The following KCNN2 variants were observed in gnomAD, a reference collection of about 807,000 sequenced individuals.
KCNN2 encodes the protein potassium calcium-activated channel subfamily N member 2, also known as small conductance calcium-activated potassium channel protein 2.
KCNN2 carries 24 observed loss-of-function variants against 55.5 expected under a neutral mutation model. The observed-to-expected ratio is 0.43, with a 90% CI of 0.31 to 0.61. KCNN2 has a LOEUF of 0.61. KCNN2 is among the 20% of genes least tolerant of loss of function. KCNN2 has a pLI of 0.08. For missense variants in KCNN2, 754 were observed against 853.6 expected (o/e 0.88, Z 1.45); for synonymous variants, 431 against 336.1 (o/e 1.28, Z -3.09).
intron 1 of KCNN2, among the ~76,000 whole-genome samples, chr5:114,205,740 C>A (rs1216145073): frequency 1.3e-5 from 2 of 152,136 alleles, no homozygotes; most frequent in East Asian, 3.8e-4. Flanking sequence ...GCTACAACAT[C>A]TTTATTTAGC....
chr5:114,148,209 T>G (rs1453980193), intron 1 of KCNN2, among the ~76,000 whole-genome samples: 1 of 152,056 alleles, frequency 6.6e-6, no homozygotes, highest in African/African-American at 2.4e-5. Flanking sequence ...GTCCTTAAGG[T>G]CAATGATAAT....
chr5:114,490,913 A>G (rs1013009540), intron 6 of KCNN2, among the ~76,000 whole-genome samples: 2 of 152,102 alleles, frequency 1.3e-5, no homozygotes, highest in African/African-American at 2.4e-5. Flanking sequence ...TGTAATACAC[A>G]TCTGCATGTT....
intron 2 of KCNN2, among the ~76,000 whole-genome samples, chr5:114,286,572 G>A (rs1017304070): frequency 8.6e-4 from 131 of 152,252 alleles, no homozygotes; most frequent in African/African-American, 3.1e-3. Context: ...TAACCTTATA[G>A]TTCCACATTT....
At chr5:114,272,185 G>C (rs1489188063) in intron 2 of KCNN2, among the ~76,000 whole-genome samples, 1 of 152,006 alleles carries the variant, frequency 6.6e-6, no homozygotes, top group African/African-American at 2.4e-5. Context: ...TTAGTGTTAA[G>C]AGTTTTGCTA....
At chr5:114,347,051 TTGAA>T (rs1757120442) in intron 2 of KCNN2, among the ~76,000 whole-genome samples, 1 of 152,180 alleles carries the variant, frequency 6.6e-6, no homozygotes, top group Admixed American at 6.5e-5. Context: ...TAATATTTCA[TTGAA>T]TAAATAAGTA....
chr5:114,254,510 G>A (rs150165636), intron 2 of KCNN2, among the ~76,000 whole-genome samples: 3 of 152,228 alleles, frequency 2.0e-5, no homozygotes, highest in Non-Finnish European at 4.4e-5. Context: ...TCTGCAGAAA[G>A]GTCTTCAAAA....
At chr5:114,062,675 G>A (rs886673466) in intron 1 of KCNN2, among the ~76,000 whole-genome samples, 1 of 152,136 alleles carries the variant, frequency 6.6e-6, no homozygotes, top group Non-Finnish European at 1.5e-5. Context: ...CGGTGTGTGT[G>A]TTTTAATAAA....
intron 2 of KCNN2, among the ~76,000 whole-genome samples, chr5:114,322,531 GACACACTGCATGCATAC>G (rs1408665281): frequency 6.6e-6 from 1 of 151,074 alleles, no homozygotes; most frequent in Non-Finnish European, 1.5e-5. Context: ...TGAACTTCAG[GACACACTGCATGCATAC>G]ATGTGCACAT....
intron 1 of KCNN2, among the ~76,000 whole-genome samples, chr5:114,129,547 T>C (rs1471825798): frequency 6.6e-6 from 1 of 152,212 alleles, no homozygotes; most frequent in Non-Finnish European, 1.5e-5. Context: ...ATAGAAGTCT[T>C]TTGAACCATC....
At chr5:114,331,058 A>C (rs1199817613) in intron 2 of KCNN2, among the ~76,000 whole-genome samples, 1 of 152,150 alleles carries the variant, frequency 6.6e-6, no homozygotes, top group Non-Finnish European at 1.5e-5. Flanking sequence ...GTTCTCCATC[A>C]CCGGTTGAAG....
chr5:114,301,450 CA>C (rs1479528253), intron 2 of KCNN2, among the ~76,000 whole-genome samples: 1 of 152,110 alleles, frequency 6.6e-6, no homozygotes, highest in Non-Finnish European at 1.5e-5. Flanking sequence ...TCTCTGTATA[CA>C]AAAAGCTCTC....
intron 2 of KCNN2, among the ~76,000 whole-genome samples, chr5:114,261,166 G>T (rs1306750060): frequency 1.3e-5 from 2 of 152,146 alleles, no homozygotes; most frequent in African/African-American, 4.8e-5. Flanking sequence ...AGATTTCTAG[G>T]AAAATGATTT....
chr5:114,282,130 A>G (rs1419742790), intron 2 of KCNN2, among the ~76,000 whole-genome samples: 1 of 152,084 alleles, frequency 6.6e-6, no homozygotes, highest in East Asian at 1.9e-4. Flanking sequence ...GTACTGTATC[A>G]GTCTCTATCA....
chr5:114,381,698 G>C (rs1192468189), intron 2 of KCNN2, among the ~76,000 whole-genome samples: 2 of 152,152 alleles, frequency 1.3e-5, no homozygotes, highest in Non-Finnish European at 2.9e-5. Context: ...CATTATTTCA[G>C]ACGTTTTATT....
At chr5:114,229,296 T>C (rs1403418264) in intron 2 of KCNN2, among the ~76,000 whole-genome samples, 2 of 151,810 alleles carry the variant, frequency 1.3e-5, no homozygotes, top group African/African-American at 4.8e-5. Context: ...CTGCTTTTTT[T>C]TTTTAACATT....
intron 2 of KCNN2, among the ~76,000 whole-genome samples, chr5:114,291,894 G>A (rs1755897466): frequency 6.6e-6 from 1 of 152,156 alleles, no homozygotes; most frequent in Admixed American, 6.5e-5. Flanking sequence ...TAACTGGTGT[G>A]AGATGGTATC....
At position 114,188,047 on chromosome 5, in the gene KCNN2, A is replaced by T. The variant is rs75575865; in HGVS notation, c.-270-33433A>T. ...AGGCTGGTCTTGAACTCCCGGCCTC[A>T]GGTGGTCCACCCACCTCGGCCTACC... On this transcript the variant is annotated intron_variant, in intron 1 of 10. Transcript: ENST00000512097. Among the ~76,000 whole-genome samples, 24 of 151,228 alleles carry T rather than the reference A, an allele frequency of 1.6e-4. No homozygotes were observed. In the East Asian group the frequency reaches 4.8e-3, roughly 30 times the overall value.
chr5:114,150,771 C>G (rs761265644), intron 1 of KCNN2, among the ~76,000 whole-genome samples: 1 of 152,180 alleles, frequency 6.6e-6, no homozygotes, highest in Non-Finnish European at 1.5e-5. Context: ...CCTGGAATCC[C>G]AGAACTTTGG....
At chr5:114,070,637 A>G (rs1289720382) in intron 1 of KCNN2, among the ~76,000 whole-genome samples, 2 of 152,202 alleles carry the variant, frequency 1.3e-5, no homozygotes, top group Non-Finnish European at 2.9e-5. Flanking sequence ...GATTATCAGT[A>G]TTCTCAGGAC....
Sources: gnomAD v4.1 joint callset for allele counts (sites outside exome capture counted in the v4.1 genomes callset) on GRCh38, gnomAD v4.1.1 for gene constraint, MANE v1.5 for transcripts, NCBI Gene and HGNC (gene_info 2026-07-23, HGNC 2026-07-21) for gene names.